The following FRMD4A variants were observed in gnomAD, a reference collection of about 807,000 sequenced individuals.
The protein encoded by FRMD4A is FERM domain-containing protein 4A.
In FRMD4A, 29 loss-of-function variants were observed where a neutral mutation model predicts 129.1. That is an observed-to-expected ratio of 0.22 (90% CI 0.17 to 0.31). The LOEUF (loss-of-function observed/expected upper bound fraction) is 0.31, where lower values mean the gene tolerates loss of function less well. FRMD4A is among the 10% of genes least tolerant of loss of function. The pLI is 1.00. For missense variants in FRMD4A, 1,272 were observed against 1,375.8 expected (o/e 0.92, Z 1.19); for synonymous variants, 634 against 571.6 (o/e 1.11, Z -1.56).
intron 4 of FRMD4A, among the ~76,000 whole-genome samples, chr10:13,807,776 C>G (rs962009246): frequency 6.6e-6 from 1 of 151,008 alleles, no homozygotes; most frequent in Non-Finnish European, 1.5e-5. Flanking sequence ...GACCTAGAGT[C>G]ACACGTTCTA....
chr10:14,322,062 C>T (rs1843079822), intron 2 of FRMD4A, among the ~76,000 whole-genome samples: 1 of 152,160 alleles, frequency 6.6e-6, no homozygotes, highest in Admixed American at 6.5e-5. Flanking sequence ...TCCTATACAG[C>T]CTGCGAAACT....
intron 9 of FRMD4A, among the ~76,000 whole-genome samples, chr10:13,742,121 G>T (rs2091041332): frequency 6.6e-6 from 1 of 152,036 alleles, no homozygotes; most frequent in Non-Finnish European, 1.5e-5. Context: ...CTCCCAAAGT[G>T]CTGGGATTAC....
At chr10:13,875,749 A>G (rs2094482569) in intron 2 of FRMD4A, among the ~76,000 whole-genome samples, 1 of 152,206 alleles carries the variant, frequency 6.6e-6, no homozygotes, top group Non-Finnish European at 1.5e-5. Context: ...GAAAAGCTGC[A>G]TCGGTGGCCT....
chr10:13,851,212 T>C (rs2131010753), intron 3 of FRMD4A, among the ~76,000 whole-genome samples: 1 of 152,302 alleles, frequency 6.6e-6, no homozygotes, highest in Admixed American at 6.5e-5. Context: ...AGACTTCGTC[T>C]CAAAACAAAA....
intron 2 of FRMD4A, among the ~76,000 whole-genome samples, chr10:13,970,393 G>A (rs1469094280): frequency 6.6e-6 from 1 of 152,160 alleles, no homozygotes; most frequent in Non-Finnish European, 1.5e-5. Flanking sequence ...ATCTTCCAGG[G>A]CGCCTCCCTC....
intron 20 of FRMD4A, 90 bp from the exon 21 acceptor site, chr10:13,659,580 G>T: frequency 7.5e-7 from 1 of 1,333,450 alleles, no homozygotes; most frequent in Non-Finnish European, 1.0e-6. Context: ...ATCCCAGCAT[G>T]TGGGGAAAGC....
At chr10:13,909,144 C>A (rs2094913488) in intron 2 of FRMD4A, among the ~76,000 whole-genome samples, 1 of 152,154 alleles carries the variant, frequency 6.6e-6, no homozygotes, top group Non-Finnish European at 1.5e-5. Flanking sequence ...GAATGTAAGC[C>A]CTTTGCAGGC....
intron 2 of FRMD4A, among the ~76,000 whole-genome samples, chr10:14,290,836 T>A (rs953985608): frequency 6.6e-6 from 1 of 152,098 alleles, no homozygotes; most frequent in African/African-American, 2.4e-5. Flanking sequence ...CTACCTCACA[T>A]ATCTTTGGCT....
intron 2 of FRMD4A, among the ~76,000 whole-genome samples, chr10:14,242,220 A>G (rs1218400): frequency 0.5 from 75,314 of 152,036 alleles, 19,043 homozygotes; most frequent in Non-Finnish European, 0.54. Flanking sequence ...ACCATCAGGG[A>G]TCGTATGGAG....
intron 4 of FRMD4A, among the ~76,000 whole-genome samples, chr10:13,799,493 A>G (rs2093205291): frequency 6.6e-6 from 1 of 152,160 alleles, no homozygotes; most frequent in South Asian, 2.1e-4. Context: ...ATGCCACGAG[A>G]TCTACCTCAT....
intron 2 of FRMD4A, chr10:13,972,250 C>G (rs1407936100): frequency 1.0e-6 from 1 of 992,992 alleles, no homozygotes; most frequent in African/African-American, 1.7e-5. Flanking sequence ...GAGCTGCAGC[C>G]TTCCCTGCAA....
chr10:14,239,903 T>C (rs1190365945), intron 2 of FRMD4A, among the ~76,000 whole-genome samples: 1 of 152,224 alleles, frequency 6.6e-6, no homozygotes, highest in East Asian at 1.9e-4. Flanking sequence ...ATTCAAAGAA[T>C]AGTGGTGTTT....
intron 5 of FRMD4A, among the ~76,000 whole-genome samples, chr10:13,787,159 C>T (rs1233589681): frequency 6.6e-6 from 1 of 152,198 alleles, no homozygotes; most frequent in Non-Finnish European, 1.5e-5. Context: ...AAATCACCTC[C>T]TCTCGACGGA....
At chr10:13,813,763 G>A (rs776513021) in intron 3 of FRMD4A, among the ~76,000 whole-genome samples, 4 of 152,218 alleles carry the variant, frequency 2.6e-5, no homozygotes, top group Non-Finnish European at 5.9e-5. Flanking sequence ...CGCTGCCAGA[G>A]CGTATTGTAC....
At chr10:14,026,150 C>A (rs12765902) in intron 2 of FRMD4A, among the ~76,000 whole-genome samples, 1 of 151,920 alleles carries the variant, frequency 6.6e-6, no homozygotes, top group Non-Finnish European at 1.5e-5. Context: ...CTCATGAGAT[C>A]GAGAGGGAAA....
intron 5 of FRMD4A, among the ~76,000 whole-genome samples, chr10:13,785,572 TTTGA>T (rs1289490959): frequency 6.6e-6 from 1 of 152,150 alleles, no homozygotes; most frequent in Non-Finnish European, 1.5e-5. Context: ...TTTGATATGA[TTTGA>T]TTTTCTTTTT....
At chr10:14,070,309 C>T (rs1009179463) in intron 2 of FRMD4A, among the ~76,000 whole-genome samples, 2 of 152,190 alleles carry the variant, frequency 1.3e-5, no homozygotes, top group African/African-American at 4.8e-5. Context: ...GAGATAAACT[C>T]TCACAAATTG....
chr10:13,864,757 G>C (rs762718431), intron 2 of FRMD4A, among the ~76,000 whole-genome samples: 3 of 150,622 alleles, frequency 2.0e-5, no homozygotes, highest in Non-Finnish European at 4.4e-5. Context: ...TTGCATTTTT[G>C]GTAGAGATGG....
At chr10:13,994,177 T>TA in intron 2 of FRMD4A, among the ~76,000 whole-genome samples, 1 of 56,024 alleles carries the variant, frequency 1.8e-5, no homozygotes, top group Non-Finnish European at 3.6e-5. Flanking sequence ...CCCAGCTAAT[T>TA]TTTTTTTTTT....
Sources: gnomAD v4.1 joint callset for allele counts (sites outside exome capture counted in the v4.1 genomes callset) on GRCh38, gnomAD v4.1.1 for gene constraint, MANE v1.5 for transcripts, NCBI Gene and HGNC (gene_info 2026-07-23, HGNC 2026-07-21) for gene names.